The following CHLSN variants were observed in gnomAD, a reference collection of about 807,000 sequenced individuals.
The protein encoded by CHLSN is protein cholesin.
the CHLSN span, among the ~76,000 whole-genome samples, chr7:1,036,882 G>A: frequency 6.7e-6 from 1 of 148,160 alleles, no homozygotes; most frequent in Non-Finnish European, 1.5e-5. Flanking sequence ...GGCTGAGGCA[G>A]GAGTATCTCT....
At chr7:1,095,489 A>G in the CHLSN span, among the ~76,000 whole-genome samples, 2 of 152,220 alleles carry the variant, frequency 1.3e-5, no homozygotes, top group Non-Finnish European at 2.9e-5. Flanking sequence ...CAGGCACCCA[A>G]CTACCTGTCA....
the CHLSN span, among the ~76,000 whole-genome samples, chr7:1,034,798 C>T: frequency 6.6e-6 from 1 of 151,164 alleles, no homozygotes; most frequent in East Asian, 1.9e-4. Context: ...TCCCTCCTCC[C>T]ACCTCCACCC....
the CHLSN span, chr7:1,028,533 C>T: frequency 2.0e-6 from 2 of 985,112 alleles, no homozygotes; most frequent in Non-Finnish European, 1.2e-6. Flanking sequence ...CCCACTGCTC[C>T]TCCGACGAGG....
the CHLSN span, among the ~76,000 whole-genome samples, chr7:1,107,250 C>A: frequency 3.3e-5 from 5 of 152,168 alleles, no homozygotes; most frequent in African/African-American, 1.2e-4. Context: ...GCTCAGTGGG[C>A]ACTCCACAGC....
chr7:1,028,747 C>T, the CHLSN span: 1 of 790,546 alleles, frequency 1.3e-6, no homozygotes, highest in Non-Finnish European at 1.5e-6. Context: ...GACCCATCTC[C>T]CCCAGTCTGT....
the CHLSN span, among the ~76,000 whole-genome samples, chr7:1,134,653 G>A: frequency 6.6e-6 from 1 of 151,880 alleles, no homozygotes; most frequent in Non-Finnish European, 1.5e-5. Context: ...CAGATCACAA[G>A]GTCAGGAGAT....
the CHLSN span, chr7:997,832 A>C: frequency 9.2e-6 from 13 of 1,406,600 alleles, no homozygotes; most frequent in Non-Finnish European, 1.2e-5. Flanking sequence ...CGAGTTGGTC[A>C]GGGGCGGGGC....
the CHLSN span, chr7:1,093,902 G>A: frequency 8.9e-6 from 3 of 336,112 alleles, no homozygotes; most frequent in South Asian, 7.1e-5. Flanking sequence ...CCCCCTCACA[G>A]AAAACACAGC....
At chr7:1,130,558 C>A in the CHLSN span, among the ~76,000 whole-genome samples, 1 of 151,834 alleles carries the variant, frequency 6.6e-6, no homozygotes, top group Non-Finnish European at 1.5e-5. Context: ...CCTATCCCCA[C>A]CCTCCCCAGG....
chr7:1,004,467 AGCACTGCTGGCCCACG>A, the CHLSN span, among the ~76,000 whole-genome samples: 16,749 of 152,192 alleles, frequency 0.11, 992 homozygotes, highest in African/African-American at 0.17. Context: ...CCGAGGCCAC[AGCACTGCTGGCCCACG>A]GCACTGCTGC....
At chr7:987,435 C>T in the CHLSN span, 10 of 1,589,954 alleles carry the variant, frequency 6.3e-6, no homozygotes, top group South Asian at 4.5e-5. Flanking sequence ...ACACAAGCGC[C>T]GTGCTCCACG....
the CHLSN span, among the ~76,000 whole-genome samples, chr7:1,068,815 G>A: frequency 1.5e-4 from 23 of 152,144 alleles, no homozygotes; most frequent in African/African-American, 3.6e-4. Flanking sequence ...GGATTGCAAC[G>A]CATTGTGGGC....
the CHLSN span, among the ~76,000 whole-genome samples, chr7:1,006,665 C>T: frequency 6.7e-6 from 1 of 149,408 alleles, no homozygotes. Flanking sequence ...ACGACGGCCA[C>T]AGCGCGGGGA....
chr7:1,008,640 C>A, the CHLSN span, among the ~76,000 whole-genome samples: 1 of 152,170 alleles, frequency 6.6e-6, no homozygotes, highest in Non-Finnish European at 1.5e-5. Context: ...TTGCCCCCAT[C>A]CCCATTTCCT....
the CHLSN span, chr7:983,283 C>T: frequency 9.7e-6 from 15 of 1,544,046 alleles, no homozygotes; most frequent in Admixed American, 2.4e-4. Context: ...GCGCCCAAGA[C>T]CCCTCCCCAG....
At chr7:1,053,091 T>C in the CHLSN span, among the ~76,000 whole-genome samples, 6 of 152,098 alleles carry the variant, frequency 3.9e-5, no homozygotes, top group Non-Finnish European at 8.8e-5. Flanking sequence ...AGCCAGGCCA[T>C]TGTTCTCCAG....
chr7:1,065,849 G>A, the CHLSN span, among the ~76,000 whole-genome samples: 19 of 152,348 alleles, frequency 1.2e-4, no homozygotes, highest in African/African-American at 4.6e-4. Flanking sequence ...TTTCAAGTGC[G>A]GGCACTTTTA....
chr7:1,015,961 C>T, the CHLSN span, among the ~76,000 whole-genome samples: 6 of 152,168 alleles, frequency 3.9e-5, 1 homozygote, highest in South Asian at 8.3e-4. Context: ...GACCCTGGAC[C>T]GGCGTCTGTC....
the CHLSN span, among the ~76,000 whole-genome samples, chr7:1,094,460 T>A: frequency 6.6e-6 from 1 of 152,222 alleles, no homozygotes; most frequent in Non-Finnish European, 1.5e-5. Flanking sequence ...TAACATAAAG[T>A]TTGATATGCA....
Sources: allele counts gnomAD v4.1 joint callset (sites outside exome capture counted in the v4.1 genomes callset), GRCh38; gene constraint gnomAD v4.1.1; transcripts MANE v1.5; gene names NCBI Gene and HGNC (gene_info 2026-07-23, HGNC 2026-07-21).